Variants in ATM observed in about 807,000 individuals in gnomAD.
ATM encodes the protein ATM serine/threonine kinase.
Under a neutral mutation model 387.0 loss-of-function variants are expected in ATM, and 308 were observed. The observed-to-expected ratio is 0.80, with a 90% CI of 0.73 to 0.87. The LOEUF is 0.87. Ranked by LOEUF, ATM falls within the 40% of genes least tolerant of loss-of-function variation. The pLI, the probability that ATM is intolerant of heterozygous loss-of-function variation, is 0.00. For synonymous variants in ATM, 1,156 were observed against 1,187.3 expected, an observed-to-expected ratio of 0.97 and a Z score of 0.54; for missense variants, 3,312 against 3,560.9, an observed-to-expected ratio of 0.93 and a Z score of 1.78.
intron 1 of ATM, chr11:108,224,391 G>C (rs1235984458): frequency 6.6e-6 from 1 of 152,194 alleles, no homozygotes; most frequent in African/African-American, 2.4e-5. Flanking sequence ...ATCTAAAAAG[G>C]AACACTGAAT....
chr11:108,270,310 A>G (rs924452995), intron 18 of ATM, among the ~76,000 whole-genome samples: 38 of 152,292 alleles, frequency 2.5e-4, no homozygotes, highest in Non-Finnish European at 3.5e-4. Flanking sequence ...ATAGTTTTCA[A>G]CCACTGGTCT....
intron 10 of ATM, 23 bp downstream of exon 10, chr11:108,251,095 C>T (rs2135329408): frequency 6.2e-7 from 1 of 1,613,532 alleles, no homozygotes; most frequent in Non-Finnish European, 8.5e-7. Flanking sequence ...TGCATTATGT[C>T]TGACTTACAG....
chr11:108,365,272 C>T (rs2137895768), intron 62 of ATM, 53 bp from the exon 63 acceptor site: 1 of 1,614,062 alleles, frequency 6.2e-7, no homozygotes, highest in Non-Finnish European at 8.5e-7. Flanking sequence ...TTTCTTATTC[C>T]CAAGGCCTTT....
intron 59 of ATM, among the ~76,000 whole-genome samples, chr11:108,353,493 C>T (rs759928300): frequency 1.4e-4 from 22 of 152,018 alleles, no homozygotes; most frequent in Non-Finnish European, 3.1e-4. Context: ...TTAAATTATA[C>T]CAGTAGTTAC....
chr11:108,268,706 G>T, intron 18 of ATM, 97 bp downstream of exon 18: 3 of 1,340,836 alleles, frequency 2.2e-6, no homozygotes, highest in Admixed American at 3.5e-5. Flanking sequence ...TGTCTTTGAA[G>T]AATTGAAATT....
chr11:108,242,319 A>G (rs185146646), intron 5 of ATM, among the ~76,000 whole-genome samples: 11 of 152,322 alleles, frequency 7.2e-5, no homozygotes, highest in Admixed American at 5.9e-4. Flanking sequence ...GACTAGTCCC[A>G]TAACTATTAG....
chr11:108,231,160 GA>G (rs922249622), intron 4 of ATM, among the ~76,000 whole-genome samples: 1 of 151,892 alleles, frequency 6.6e-6, no homozygotes, highest in African/African-American at 2.4e-5. Flanking sequence ...ATGATTTGAG[GA>G]AAAAAACAAC....
In ATM at chr11:108,367,584, T is replaced by C. The variant is rs2091399943; in HGVS notation, c.*2076T>C. The C allele has an allele frequency of 4.8e-6, 1 of 207,072 alleles. No homozygotes were observed. Among genetic ancestry groups the C allele is most frequent in the African/African-American group, 2.3e-5 (1 of 43,864 alleles). The allele number at this position is 207,072 out of a possible 1,614,324, so 12.8% of individuals were successfully genotyped here. A position where few individuals can be genotyped will look rare whatever the true frequency, so the allele number is the denominator to read the frequency against. ...AAAATGTTCATCCCAGCTGCGGAGATTAACAAATGGGTGATTGAGCTTTCT... is the reference window on the plus strand; with the variant it reads ...AAAATGTTCATCCCAGCTGCGGAGACTAACAAATGGGTGATTGAGCTTTCT... On this transcript the variant is annotated 3_prime_UTR_variant, in exon 63 of 63. Transcript: ENST00000675843.
chr11:108,300,020 T>TGAAA (rs2083345646), intron 34 of ATM, 135 bp downstream of exon 34: 1 of 836,912 alleles, frequency 1.2e-6, no homozygotes, highest in Non-Finnish European at 1.8e-6. Flanking sequence ...AAAATTCTTA[T>TGAAA]ATTTTTATTA....
chr11:108,273,331 C>CTTTTTTTTTTTTTT lies in ATM; in HGVS notation c.3284+493_3284+506dup, dbSNP rs563140198. 6.3e-4 allele frequency among the ~76,000 whole-genome samples: 51 copies of CTTTTTTTTTTTTTT among 80,656 alleles called. 4 individuals are homozygous for CTTTTTTTTTTTTTT. Among genetic ancestry groups the CTTTTTTTTTTTTTT allele is most frequent in the African/African-American group, 2.6e-3 (46 of 17,514 alleles). The allele number at this position is 80,656 out of a possible 152,430, so 52.9% of individuals were successfully genotyped here. ...GGAATAAACATATATTAATTTCATT[C>CTTTTTTTTTTTTTT]TTTTTTTTTTTTTTTTTTTTTTTTT... On this transcript the variant is annotated intron_variant, in intron 22 of 62. Coordinates refer to ENST00000675843, the MANE Select transcript of ATM (RefSeq NM_000051.4).
At chr11:108,331,736 C>T in intron 51 of ATM, 143 bp from the exon 52 acceptor site, 1 of 1,287,136 alleles carries the variant, frequency 7.8e-7, no homozygotes, top group Non-Finnish European at 1.1e-6. Context: ...AGGCCTCTGC[C>T]TTTTTCTCAC....
In ATM at chr11:108,287,441, A is replaced by G. The variant is rs864622543; in HGVS notation, c.3994-159A>G. ...GGTTGGCTGCATAGAAGAAAAAGGT[A>G]GAGTTATTTATAATCTTGTAAATCT... On this transcript the variant is annotated intron_variant, in intron 26 of 62. Transcript: ENST00000675843. The G allele has an allele frequency of 3.8e-6, 2 of 520,110 alleles. No homozygotes were observed. The highest frequency in any genetic ancestry group is 3.3e-6 in the Non-Finnish European group (1 of 301,656). 32.2% of individuals were successfully genotyped at this position (520,110 alleles called of 1,614,324 possible).
intron 4 of ATM, chr11:108,230,765 A>G (rs661467): frequency 0.62 from 94,399 of 152,130 alleles, 29,603 homozygotes; most frequent in Middle Eastern, 0.76. Flanking sequence ...GCAGTGGTGC[A>G]ATCTTGGCTC....
At chr11:108,241,954 T>C (rs1298772290) in intron 5 of ATM, among the ~76,000 whole-genome samples, 2 of 151,688 alleles carry the variant, frequency 1.3e-5, no homozygotes, top group Non-Finnish European at 2.9e-5. Context: ...ATGTTGCTTA[T>C]GCCAGCAGCT....
chr11:108,347,894 G>A (rs182362590), intron 59 of ATM, among the ~76,000 whole-genome samples: 215 of 152,246 alleles, frequency 1.4e-3, no homozygotes, highest in Non-Finnish European at 2.5e-3. Context: ...ACTTTGGGGA[G>A]TGGTATTGGC....
At chr11:108,261,346 C>G (rs1372675479) in intron 16 of ATM, among the ~76,000 whole-genome samples, 2 of 152,354 alleles carry the variant, frequency 1.3e-5, no homozygotes, top group East Asian at 1.9e-4. Context: ...AACAGCCTAA[C>G]TGGGAGGCAC....
intron 5 of ATM, among the ~76,000 whole-genome samples, chr11:108,239,630 G>C (rs1009380643): frequency 1.3e-5 from 2 of 152,130 alleles, no homozygotes; most frequent in African/African-American, 4.8e-5. Context: ...TGAGTTTCCT[G>C]CTTTCAGTCT....
rs562795128 is a variant in ATM at position 108,307,395 on chromosome 11, G to A, written c.5675-502G>A. Among the ~76,000 whole-genome samples, 35 of 152,130 alleles carry A rather than the reference G, an allele frequency of 2.3e-4. 1 individual carries two copies. The highest frequency in any genetic ancestry group is 3.4e-4 in the Non-Finnish European group (23 of 67,966). The stretch of plus-strand genomic sequence containing the variant: ...AAACTTGGCCTCAAGTGATCCGTCC[G>A]CATCAGCCTCCCAAAGTGCTGGGAT... On this transcript the variant is annotated intron_variant, in intron 37 of 62. Transcript: ENST00000675843.
At chr11:108,243,924 A>G in intron 5 of ATM, 29 bp from the exon 6 acceptor site, 1 of 1,493,294 alleles carries the variant, frequency 6.7e-7, no homozygotes, top group Non-Finnish European at 9.1e-7. Flanking sequence ...TTAAAAAATC[A>G]TGACTAATAA....
Sources: allele counts gnomAD v4.1 joint callset (sites outside exome capture counted in the v4.1 genomes callset), GRCh38; gene constraint gnomAD v4.1.1; transcripts MANE v1.5; gene names NCBI Gene and HGNC (gene_info 2026-07-23, HGNC 2026-07-21).